The following MACF1 variants were observed in gnomAD, a reference collection of about 807,000 sequenced individuals.
MACF1 encodes the protein microtubule-actin cross-linking factor 1.
In MACF1, 193 loss-of-function variants were observed where a neutral mutation model predicts 854.8. The observed-to-expected ratio is 0.23, with a 90% CI of 0.20 to 0.25. MACF1 has a LOEUF of 0.25. MACF1 is among the 10% of genes least tolerant of loss of function. MACF1 has a pLI of 1.00. For synonymous variants in MACF1, 3,185 were observed against 3,226.7 expected (o/e 0.99, Z 0.44); for missense variants, 7,722 against 8,929.1 (o/e 0.86, Z 5.45).
At chr1:39,384,131 C>G (rs1291064401) in intron 56 of MACF1, among the ~76,000 whole-genome samples, 3 of 152,096 alleles carry the variant, frequency 2.0e-5, no homozygotes, top group African/African-American at 7.2e-5. Context: ...GCCTTAATCT[C>G]TGCTCTGCTT....
Position 39,464,866 on chromosome 1 carries a change from A to T in MACF1, c.21754-229A>T, listed in dbSNP as rs560883188. 3.4e-4 allele frequency: 164 copies of T among 478,310 alleles called. 1 individual carries two copies. The South Asian group carries it at 3.5e-3, about 10-fold the overall frequency. The allele number at this position is 478,310 out of a possible 1,614,324, so 29.6% of individuals were successfully genotyped here. On this transcript the variant is annotated intron_variant, in intron 94 of 100. Transcript: ENST00000564288. ...GGGTCGGAGGTTGCAGTGAGCCATG[A>T]TCGCGCCACTGCACTCCAGCCTGGG...
At chr1:39,430,218 A>G (rs1454352804) in intron 65 of MACF1, 150 bp downstream of exon 65, 1 of 825,796 alleles carries the variant, frequency 1.2e-6, no homozygotes, top group East Asian at 2.7e-5. Flanking sequence ...ATAAAGACAT[A>G]TACGTTACAC....
intron 3 of MACF1, among the ~76,000 whole-genome samples, chr1:39,251,266 C>T (rs1645037675): frequency 6.6e-6 from 1 of 152,020 alleles, no homozygotes; most frequent in Admixed American, 6.6e-5. Context: ...CATTTAATTT[C>T]TAGTTCTTGC....
At chr1:39,480,190 A>G (rs1168966939) in intron 98 of MACF1, 181 bp downstream of exon 98, 2 of 457,894 alleles carry the variant, frequency 4.4e-6, no homozygotes, top group Admixed American at 3.9e-5. Context: ...CTAGCAGTAC[A>G]CAGATATATG....
chr1:39,125,239 T>C (rs1474971998), intron 2 of MACF1, among the ~76,000 whole-genome samples: 1 of 152,202 alleles, frequency 6.6e-6, no homozygotes, highest in Non-Finnish European at 1.5e-5. Flanking sequence ...GAAAATTTTA[T>C]CTAGGGAATT....
At chr1:39,343,559 T>C (rs1646981372) in intron 40 of MACF1, among the ~76,000 whole-genome samples, 1 of 152,264 alleles carries the variant, frequency 6.6e-6, no homozygotes, top group African/African-American at 2.4e-5. Context: ...GAGCATTTCA[T>C]GCATTGGTGC....
At chr1:39,258,124 C>G (rs1645117169) in intron 6 of MACF1, 96 bp downstream of exon 6, 9 of 960,664 alleles carry the variant, frequency 9.4e-6, no homozygotes, top group Non-Finnish European at 1.3e-5. Flanking sequence ...CCTTCCTTCT[C>G]TCTATTTGTC....
At chr1:39,479,578 C>CAGAG (rs1644977548) in intron 97 of MACF1, among the ~76,000 whole-genome samples, 1 of 152,170 alleles carries the variant, frequency 6.6e-6, no homozygotes, top group South Asian at 2.1e-4. Flanking sequence ...CCTTTATACA[C>CAGAG]AGAGACTTGC....
intron 2 of MACF1, among the ~76,000 whole-genome samples, chr1:39,198,987 G>T (rs1385798837): frequency 6.6e-6 from 1 of 152,006 alleles, no homozygotes; most frequent in African/African-American, 2.4e-5. Context: ...TATTTTGACA[G>T]AATTTTTTTC....
At chr1:39,363,021 G>A (rs1373158055) in intron 49 of MACF1, among the ~76,000 whole-genome samples, 1 of 152,050 alleles carries the variant, frequency 6.6e-6, no homozygotes, top group Non-Finnish European at 1.5e-5. Flanking sequence ...AATTACATTA[G>A]TATTTCTACC....
Position 39,443,454 on chromosome 1 carries a change from C to T in MACF1, c.19311C>T (p.Gly6437=). ...TATCTTTTTCTCAAAAGGCCCAGGGCTTCCACAGTGAAATTGAAGATTTCC... is the reference window on the plus strand; with the variant it reads ...TATCTTTTTCTCAAAAGGCCCAGGGTTTCCACAGTGAAATTGAAGATTTCC... ...QLQSTLQQAQ[G]FHSEIEDFLL... The change falls in exon 79 of 101, where the codon GGC becomes GGT. Residue 6437 remains glycine, a synonymous_variant. Coordinates refer to ENST00000564288, the MANE Select transcript of MACF1 (RefSeq NM_001394062.1). 1 of 1,611,522 alleles carries T rather than the reference C, an allele frequency of 6.2e-7. No homozygotes were observed.
At chr1:39,246,654 G>A (rs1277415030) in intron 2 of MACF1, among the ~76,000 whole-genome samples, 4 of 151,786 alleles carry the variant, frequency 2.6e-5, no homozygotes, top group African/African-American at 7.3e-5. Flanking sequence ...AATTACAGGC[G>A]CCCACGACCA....
chr1:39,360,006 AAAAAAAATATATATATATATATATAT>A (rs1345771413), intron 47 of MACF1, among the ~76,000 whole-genome samples: 4 of 66,546 alleles, frequency 6.0e-5, no homozygotes, highest in South Asian at 9.8e-4. Context: ...AAAAAAAAAA[AAAAAAAATATATATATATATATATAT>A]ATATATATAT....
intron 1 of MACF1, among the ~76,000 whole-genome samples, chr1:39,219,603 C>G (rs184597925): frequency 2.6e-5 from 4 of 152,258 alleles, no homozygotes; most frequent in East Asian, 3.9e-4. Context: ...ATTTTAATTG[C>G]TTGACCTCCA....
At chr1:39,423,488 A>C (rs1183773440) in intron 60 of MACF1, among the ~76,000 whole-genome samples, 16 of 151,988 alleles carry the variant, frequency 1.1e-4, no homozygotes, top group Admixed American at 1.0e-3. Context: ...ACAAAAAATT[A>C]GCCGGGCATG....
chr1:39,132,113 G>A lies in MACF1; in HGVS notation c.220+47675G>A, dbSNP rs571316467. On this transcript the variant is annotated intron_variant, in intron 2 of 93. Coordinates refer to the MACF1 transcript ENST00000361689. ...AAATGGAGGGATATCCCTCAGTAAA[G>A]GAAGGAGCTCAGAATTAGATTGGGG... is the stretch of plus-strand genomic sequence containing the variant. Among the ~76,000 whole-genome samples, 8 of 152,330 alleles carry A rather than the reference G, an allele frequency of 5.3e-5. No homozygotes were observed. The South Asian group carries it at 8.3e-4, about 16-fold the overall frequency.
At chr1:39,271,107 G>A (rs746709398) in intron 6 of MACF1, among the ~76,000 whole-genome samples, 2 of 152,164 alleles carry the variant, frequency 1.3e-5, no homozygotes, top group Non-Finnish European at 2.9e-5. Context: ...ACTGGGATAT[G>A]GGGCGCATGA....
At chr1:39,111,671 G>A (rs1181969863) in intron 2 of MACF1, among the ~76,000 whole-genome samples, 1 of 151,976 alleles carries the variant, frequency 6.6e-6, no homozygotes, top group Non-Finnish European at 1.5e-5. Context: ...GTGAGCCACC[G>A]CACCTGGCAA....
rs1054197160 is a variant in MACF1 at position 39,293,387 on chromosome 1, G to T, written c.1993-71G>T. 9.4e-6 allele frequency: 12 copies of T among 1,282,712 alleles called. No individual in the cohort carries two copies. The East Asian group carries it at 2.7e-4, about 29-fold the overall frequency. The allele number at this position is 1,282,712 out of a possible 1,614,324, so 79.5% of individuals were successfully genotyped here. ...AATTTCCTGAGTTATTCTCTCCTTTGATGTCAAATGTGCTATCTTCTACAG... is the reference window on the plus strand; with the variant it reads ...AATTTCCTGAGTTATTCTCTCCTTTTATGTCAAATGTGCTATCTTCTACAG... On this transcript the variant is annotated intron_variant, in intron 17 of 100. Transcript: ENST00000564288.
Sources: gnomAD v4.1 joint callset for allele counts (sites outside exome capture counted in the v4.1 genomes callset) on GRCh38, gnomAD v4.1.1 for gene constraint, MANE v1.5 for transcripts, NCBI Gene and HGNC (gene_info 2026-07-23, HGNC 2026-07-21) for gene names.